NEK11: variants seen among roughly 807,000 people sequenced by gnomAD.
NEK11 encodes serine/threonine-protein kinase Nek11.
NEK11 carries 72 observed loss-of-function variants against 80.7 expected under a neutral mutation model. The ratio of observed to expected loss-of-function variants is 0.89; its 90% CI spans 0.74 to 1.08. NEK11 has a LOEUF of 1.08. NEK11 is among the 50% of genes least tolerant of loss of function. The probability of loss-of-function intolerance (pLI) is 0.00; values close to 1 mark genes in which losing one functional copy is unlikely to be tolerated. For missense variants in NEK11, 764 were observed against 763.6 expected, an observed-to-expected ratio of 1.00 and a Z score of -0.01; for synonymous variants, 251 against 260.7, an observed-to-expected ratio of 0.96 and a Z score of 0.36.
chr3:131,088,564 A>G (rs994996797), intron 4 of NEK11, among the ~76,000 whole-genome samples: 1 of 152,032 alleles, frequency 6.6e-6, no homozygotes, highest in Admixed American at 6.5e-5. Context: ...GAATCACACT[A>G]ATTTATTTCA....
chr3:131,068,638 C>T (rs2072533502), intron 3 of NEK11, among the ~76,000 whole-genome samples: 1 of 152,086 alleles, frequency 6.6e-6, no homozygotes, highest in African/African-American at 2.4e-5. Context: ...GCGGGAGAAA[C>T]CACACAGCAT....
At chr3:131,282,288 T>C (rs1484096328) in intron 17 of NEK11, among the ~76,000 whole-genome samples, 2 of 152,154 alleles carry the variant, frequency 1.3e-5, no homozygotes, top group Non-Finnish European at 2.9e-5. Context: ...GCATTATTAA[T>C]GCCATAGAGA....
intron 14 of NEK11, among the ~76,000 whole-genome samples, chr3:131,199,252 T>C (rs2094141396): frequency 6.6e-6 from 1 of 151,872 alleles, no homozygotes; most frequent in Admixed American, 6.6e-5. Flanking sequence ...CCCCTTTAAA[T>C]TAGGAAAAAA....
intron 3 of NEK11, among the ~76,000 whole-genome samples, chr3:131,051,254 C>T (rs541579224): frequency 1.3e-5 from 2 of 152,276 alleles, no homozygotes; most frequent in East Asian, 1.9e-4. Context: ...GTTGGCTTTC[C>T]GTTGGACACT....
intron 12 of NEK11, among the ~76,000 whole-genome samples, chr3:131,166,445 G>A (rs1011694251): frequency 2.0e-5 from 3 of 152,178 alleles, no homozygotes; most frequent in African/African-American, 7.2e-5. Flanking sequence ...CCTCTTTAAG[G>A]GGGAGATCTG....
chr3:131,253,481 G>A (rs1440960526), intron 16 of NEK11, among the ~76,000 whole-genome samples: 2 of 152,074 alleles, frequency 1.3e-5, no homozygotes, highest in Non-Finnish European at 2.9e-5. Flanking sequence ...TTTTACTGAG[G>A]GCAGATACTT....
chr3:131,241,512 C>G (rs1294991588), intron 15 of NEK11, among the ~76,000 whole-genome samples: 2 of 151,904 alleles, frequency 1.3e-5, no homozygotes, highest in South Asian at 2.1e-4. Flanking sequence ...AACAGAAAAA[C>G]CAAACAATGT....
intron 1 of NEK11, 156 bp from the exon 2 acceptor site, chr3:131,027,774 T>A (rs1164731593): frequency 1.6e-5 from 1 of 62,470 alleles, no homozygotes; most frequent in African/African-American, 6.3e-5. Flanking sequence ...GGGCTGAGTC[T>A]GTGAGGGTGG....
intron 3 of NEK11, among the ~76,000 whole-genome samples, chr3:131,045,785 C>T (rs2067287345): frequency 6.6e-6 from 1 of 152,062 alleles, no homozygotes; most frequent in Admixed American, 6.5e-5. Flanking sequence ...TTTGGGAGCT[C>T]CAGTGTTGGG....
intron 3 of NEK11, among the ~76,000 whole-genome samples, chr3:131,061,192 A>T (rs1013958339): frequency 1.3e-5 from 2 of 152,176 alleles, no homozygotes; most frequent in African/African-American, 4.8e-5. Context: ...GCCTTAACTA[A>T]AGATTTTTTA....
chr3:131,097,800 A>C (rs1160674128), intron 4 of NEK11, among the ~76,000 whole-genome samples: 1 of 142,786 alleles, frequency 7.0e-6, no homozygotes, highest in East Asian at 1.9e-4. Context: ...GAATTGGAAA[A>C]AACTACTTTA....
At chr3:131,260,686 C>G (rs1166642818) in intron 16 of NEK11, among the ~76,000 whole-genome samples, 1 of 152,078 alleles carries the variant, frequency 6.6e-6, no homozygotes, top group East Asian at 1.9e-4. Flanking sequence ...TCTGTCATGT[C>G]GCATTCCAAG....
intron 3 of NEK11, among the ~76,000 whole-genome samples, chr3:131,057,815 A>T (rs2069897258): frequency 6.6e-6 from 1 of 152,040 alleles, no homozygotes; most frequent in Non-Finnish European, 1.5e-5. Flanking sequence ...TAGGTTGCAA[A>T]AATTTTCTCC....
At chr3:131,151,869 T>C (rs1474319148) in intron 7 of NEK11, among the ~76,000 whole-genome samples, 1 of 152,164 alleles carries the variant, frequency 6.6e-6, no homozygotes, top group Non-Finnish European at 1.5e-5. Context: ...TTCAAGTAGC[T>C]GCTCTTCCAC....
At chr3:131,052,673 G>A (rs1338752291) in intron 3 of NEK11, among the ~76,000 whole-genome samples, 3 of 152,120 alleles carry the variant, frequency 2.0e-5, no homozygotes, top group African/African-American at 2.4e-5. Context: ...TTATTTATGA[G>A]CAGAAATTAT....
chr3:131,268,489 C>T (rs780473332), intron 16 of NEK11, among the ~76,000 whole-genome samples: 2 of 152,166 alleles, frequency 1.3e-5, no homozygotes, highest in Non-Finnish European at 2.9e-5. Context: ...GATGCTATTC[C>T]TTTCTGTTTG....
chr3:131,292,228 A>G (rs1248208308), intron 17 of NEK11, among the ~76,000 whole-genome samples: 3 of 152,196 alleles, frequency 2.0e-5, no homozygotes, highest in Admixed American at 6.5e-5. Flanking sequence ...TCAATTGACT[A>G]CATTTATGTG....
intron 17 of NEK11, among the ~76,000 whole-genome samples, chr3:131,317,276 A>G (rs2096850217): frequency 6.6e-6 from 1 of 152,168 alleles, no homozygotes; most frequent in African/African-American, 2.4e-5. Flanking sequence ...TGAAACGAAT[A>G]AAATTTGACC....
chr3:131,293,779 T>A (rs1270744352), intron 17 of NEK11, among the ~76,000 whole-genome samples: 1 of 152,150 alleles, frequency 6.6e-6, no homozygotes, highest in Non-Finnish European at 1.5e-5. Flanking sequence ...ATTGAATAAA[T>A]AGTCTATTCT....
Sources: allele counts gnomAD v4.1 joint callset (sites outside exome capture counted in the v4.1 genomes callset), GRCh38; gene constraint gnomAD v4.1.1; transcripts MANE v1.5; gene names NCBI Gene and HGNC (gene_info 2026-07-23, HGNC 2026-07-21).